ARHGAP26: variants seen among roughly 807,000 people sequenced by gnomAD.
ARHGAP26 encodes rho GTPase-activating protein 26.
A neutral mutation model predicts 104.8 loss-of-function variants in ARHGAP26; 38 were observed. That is an observed-to-expected ratio of 0.36 (90% CI 0.28 to 0.48). The LOEUF (loss-of-function observed/expected upper bound fraction) is 0.48. Among genes scored for constraint, ARHGAP26 ranks in the 20% least tolerant of loss-of-function variants. The pLI is 0.99. For synonymous variants in ARHGAP26, 341 were observed against 340.0 expected (o/e 1.00, Z -0.03); for missense variants, 704 against 947.9 (o/e 0.74, Z 3.38).
chr5:142,941,241 G>T (rs1766306609), intron 11 of ARHGAP26, among the ~76,000 whole-genome samples: 1 of 151,972 alleles, frequency 6.6e-6, no homozygotes, highest in Non-Finnish European at 1.5e-5. Context: ...TGTAAATTGT[G>T]TTCTCTTTTC....
chr5:142,949,252 A>AGAGG (rs1767913445), intron 11 of ARHGAP26, among the ~76,000 whole-genome samples: 1 of 138,264 alleles, frequency 7.2e-6, no homozygotes, highest in Non-Finnish European at 1.5e-5. Flanking sequence ...AGAGAGAGAG[A>AGAGG]GAGAGTTGAG....
At chr5:143,134,245 C>T in intron 19 of ARHGAP26, 140 bp downstream of exon 19, 2 of 1,009,740 alleles carry the variant, frequency 2.0e-6, no homozygotes, top group African/African-American at 1.6e-5. Flanking sequence ...TTGTGCCCTC[C>T]CAAGTGCCTT....
At chr5:142,863,756 C>T (rs1242680301) in intron 1 of ARHGAP26, among the ~76,000 whole-genome samples, 1 of 152,000 alleles carries the variant, frequency 6.6e-6, no homozygotes, top group East Asian at 1.9e-4. Flanking sequence ...GCTCCCAGGC[C>T]TGCTGGATCA....
At chr5:143,073,383 G>A (rs940382765) in intron 17 of ARHGAP26, among the ~76,000 whole-genome samples, 3 of 152,164 alleles carry the variant, frequency 2.0e-5, no homozygotes, top group African/African-American at 4.8e-5. Context: ...AAAGTTGGGA[G>A]CATCTCTGAT....
intron 17 of ARHGAP26, among the ~76,000 whole-genome samples, chr5:143,117,287 C>T (rs1039988984): frequency 5.9e-5 from 9 of 152,204 alleles, no homozygotes; most frequent in Non-Finnish European, 8.8e-5. Context: ...ACCGGCTCCG[C>T]AGTGCTCTGC....
At chr5:143,182,794 C>T (rs962819000) in intron 20 of ARHGAP26, among the ~76,000 whole-genome samples, 6 of 152,188 alleles carry the variant, frequency 3.9e-5, no homozygotes, top group African/African-American at 1.2e-4. Flanking sequence ...CTGTCGTTAT[C>T]CACCCAATTC....
chr5:143,184,882 G>A (rs778112808), intron 20 of ARHGAP26, among the ~76,000 whole-genome samples: 7 of 152,156 alleles, frequency 4.6e-5, no homozygotes, highest in Non-Finnish European at 8.8e-5. Flanking sequence ...AAAGGAGTGC[G>A]ACCTTTCTGG....
chr5:142,873,557 A>C, intron 2 of ARHGAP26, 62 bp downstream of exon 2: 1 of 1,181,338 alleles, frequency 8.5e-7, no homozygotes, highest in Non-Finnish European at 1.2e-6. Flanking sequence ...TCAGTGTCCC[A>C]GCAGAGCCTT....
chr5:143,116,308 A>G (rs1013530347), intron 17 of ARHGAP26, among the ~76,000 whole-genome samples: 21 of 152,202 alleles, frequency 1.4e-4, no homozygotes, highest in Non-Finnish European at 2.8e-4. Context: ...GGGATGGTGG[A>G]TAAGTGGGAT....
chr5:143,125,709 A>G (rs1439315746), intron 18 of ARHGAP26, among the ~76,000 whole-genome samples: 1 of 152,236 alleles, frequency 6.6e-6, no homozygotes, highest in Non-Finnish European at 1.5e-5. Flanking sequence ...AATCCTTTAA[A>G]TGAATACAGT....
chr5:142,938,231 G>A (rs1226044504), intron 11 of ARHGAP26, among the ~76,000 whole-genome samples: 2 of 152,168 alleles, frequency 1.3e-5, no homozygotes, highest in Non-Finnish European at 2.9e-5. Context: ...TTTTATAATA[G>A]TATGAAATTA....
intron 1 of ARHGAP26, among the ~76,000 whole-genome samples, chr5:142,826,050 G>T (rs1189399168): frequency 6.6e-6 from 1 of 152,184 alleles, no homozygotes; most frequent in Non-Finnish European, 1.5e-5. Context: ...AAATTACTCT[G>T]TGCTTCATTG....
At chr5:143,173,085 C>T (rs920806375) in intron 20 of ARHGAP26, 1 of 174,562 alleles carries the variant, frequency 5.7e-6, no homozygotes, top group African/African-American at 2.4e-5. Flanking sequence ...AGTGCTGTGA[C>T]AGAGACAGAC....
At chr5:143,026,992 A>T (rs58096008) in intron 12 of ARHGAP26, among the ~76,000 whole-genome samples, 9,201 of 152,072 alleles carry the variant, frequency 0.061, 627 homozygotes, top group African/African-American at 0.17. Flanking sequence ...TGTGAATTGG[A>T]TATAGGGTGT....
chr5:143,155,974 A>G (rs1472135345), intron 20 of ARHGAP26, among the ~76,000 whole-genome samples: 1 of 152,184 alleles, frequency 6.6e-6, no homozygotes, highest in Non-Finnish European at 1.5e-5. Context: ...TATTTGTGTA[A>G]GTGTTAGGCA....
At chr5:143,131,237 G>T (rs1797319304) in intron 18 of ARHGAP26, among the ~76,000 whole-genome samples, 1 of 152,156 alleles carries the variant, frequency 6.6e-6, no homozygotes, top group African/African-American at 2.4e-5. Context: ...CTAAAGCCAT[G>T]GTCCTTCCTC....
chr5:142,901,541 G>T (rs1760331322), intron 6 of ARHGAP26, among the ~76,000 whole-genome samples: 1 of 152,312 alleles, frequency 6.6e-6, no homozygotes, highest in South Asian at 2.1e-4. Context: ...AACTGAGTCA[G>T]AACCCTGGTC....
chr5:143,170,956 A>G (rs1477337402), intron 20 of ARHGAP26, among the ~76,000 whole-genome samples: 2 of 152,184 alleles, frequency 1.3e-5, no homozygotes, highest in Non-Finnish European at 2.9e-5. Context: ...CAACAAGAGC[A>G]TGGGAGAATA....
At chr5:142,901,444 G>C (rs1246761829) in intron 6 of ARHGAP26, among the ~76,000 whole-genome samples, 2 of 152,316 alleles carry the variant, frequency 1.3e-5, no homozygotes, top group Non-Finnish European at 2.9e-5. Context: ...GACTTTGCCT[G>C]TTAGACTGTA....
Sources: gnomAD v4.1 joint callset for allele counts (sites outside exome capture counted in the v4.1 genomes callset) on GRCh38, gnomAD v4.1.1 for gene constraint, MANE v1.5 for transcripts, NCBI Gene and HGNC (gene_info 2026-07-23, HGNC 2026-07-21) for gene names.